Variants in FXR2 observed in about 807,000 individuals in gnomAD.
FXR2 encodes the protein RNA-binding protein FXR2.
In FXR2, 9 loss-of-function variants were observed where a neutral mutation model predicts 87.3. The observed-to-expected ratio is 0.10, with a 90% CI of 0.06 to 0.18. The LOEUF is 0.18. FXR2 is among the 10% of genes least tolerant of loss of function. The probability of loss-of-function intolerance (pLI) is 1.00; values close to 1 mark genes in which losing one functional copy is unlikely to be tolerated. For synonymous variants in FXR2, 331 were observed against 328.3 expected, an observed-to-expected ratio of 1.01 and a Z score of -0.09; for missense variants, 661 against 893.6, an observed-to-expected ratio of 0.74 and a Z score of 3.32.
At chr17:7,614,158 A>C in intron 1 of FXR2, 3 of 620,250 alleles carry the variant, frequency 4.8e-6, no homozygotes, top group Middle Eastern at 4.2e-4. Flanking sequence ...GAAGCTGGGT[A>C]AAGGGGTCTC....
In FXR2 at chr17:7,595,637, T is replaced by G. The variant is rs1253070096; in HGVS notation, c.831+187A>C. Among the ~76,000 whole-genome samples, 1 of 151,992 alleles carries G rather than the reference T, an allele frequency of 6.6e-6. No homozygotes were observed. Among genetic ancestry groups the G allele is most frequent in the Admixed American group, 6.6e-5 (1 of 15,246 alleles). On this transcript the variant is annotated intron_variant, in intron 8 of 16. Coordinates refer to ENST00000250113, the MANE Select transcript of FXR2 (RefSeq NM_004860.4). The surrounding 1 kb of genome is among the most constrained non-coding windows in gnomAD (Gnocchi z 4.7). The stretch of plus-strand genomic sequence containing the variant: ...CTAATTTTTAAATTTTTGTAGAGAT[T>G]GGGTCTCACTATGTTGCACAGGCTG...
intron 7 of FXR2, among the ~76,000 whole-genome samples, chr17:7,601,015 CTAA>C (rs2071751024): frequency 6.6e-6 from 1 of 151,722 alleles, no homozygotes; most frequent in Non-Finnish European, 1.5e-5. Context: ...CCCCATCTTA[CTAA>C]TAATACAAAA....
chr17:7,601,754 C>T (rs2071758168), intron 6 of FXR2, among the ~76,000 whole-genome samples: 2 of 151,996 alleles, frequency 1.3e-5, no homozygotes, highest in Admixed American at 1.3e-4. Context: ...TGGTGAAACC[C>T]TGTCTTTACT....
intron 1 of FXR2, among the ~76,000 whole-genome samples, chr17:7,609,116 A>G (rs2071828368): frequency 6.6e-6 from 1 of 152,240 alleles, no homozygotes; most frequent in South Asian, 2.1e-4. Flanking sequence ...GACTCAAAAA[A>G]CAAAATAAAT....
intron 7 of FXR2, among the ~76,000 whole-genome samples, chr17:7,598,505 T>C (rs941982342): frequency 1.3e-5 from 2 of 151,990 alleles, no homozygotes; most frequent in African/African-American, 4.8e-5. Flanking sequence ...CACTGTTAAC[T>C]CAATGGCTTC....
At chr17:7,613,974 G>C (rs1282881434) in intron 1 of FXR2, 1 of 451,478 alleles carries the variant, frequency 2.2e-6, no homozygotes, top group Non-Finnish European at 4.4e-6. Context: ...GAGTGTTCCA[G>C]AGCCAGTAGG....
At chr17:7,603,379 T>C (rs1382435375) in intron 5 of FXR2, among the ~76,000 whole-genome samples, 1 of 150,518 alleles carries the variant, frequency 6.6e-6, no homozygotes, top group East Asian at 2.0e-4. Context: ...AATACAAAAT[T>C]AGCCGGGTGT....
At chr17:7,609,904 ATATATATG>A (rs1428171795) in intron 1 of FXR2, among the ~76,000 whole-genome samples, 5 of 139,210 alleles carry the variant, frequency 3.6e-5, no homozygotes, top group African/African-American at 5.5e-5. Flanking sequence ...ATACACATAC[ATATATATG>A]TATATATACA....
At chr17:7,599,123 G>A (rs1478532779) in intron 7 of FXR2, among the ~76,000 whole-genome samples, 1 of 143,274 alleles carries the variant, frequency 7.0e-6, no homozygotes, top group African/African-American at 2.6e-5. Context: ...GGTGACAGAG[G>A]GAAACTGTCT....
chr17:7,609,944 G>GTATACA, intron 1 of FXR2, among the ~76,000 whole-genome samples: 1 of 60,828 alleles, frequency 1.6e-5, no homozygotes, highest in African/African-American at 8.2e-5. Context: ...ATATATACAT[G>GTATACA]TATATGTATA....
intron 1 of FXR2, chr17:7,614,001 G>C: frequency 2.2e-6 from 1 of 456,210 alleles, no homozygotes. Context: ...CCTCTCTGAG[G>C]AAGATGAAAG....
At chr17:7,607,224 AAG>A (rs2071810061) in intron 1 of FXR2, among the ~76,000 whole-genome samples, 1 of 151,826 alleles carries the variant, frequency 6.6e-6, no homozygotes, top group East Asian at 1.9e-4. Context: ...AGGCTGAGGA[AAG>A]AGAATCACTT....
At chr17:7,602,455 C>T (rs2071765753) in intron 6 of FXR2, among the ~76,000 whole-genome samples, 1 of 152,122 alleles carries the variant, frequency 6.6e-6, no homozygotes, top group Non-Finnish European at 1.5e-5. Context: ...GTAATCCCAG[C>T]TACTCGGGAG....
chr17:7,595,197 A>G lies in FXR2; in HGVS notation c.832-440T>C, dbSNP rs2071697949. On this transcript the variant is annotated intron_variant, in intron 8 of 16. Transcript: ENST00000250113. The surrounding 1 kb of genome is among the most constrained non-coding windows in gnomAD (Gnocchi z 4.7). ...CCAGGCACAGCGGCTCACACCCATAATCTCAACAGTTTCGGAGGCTAAGAA... is the reference window on the plus strand; with the variant it reads ...CCAGGCACAGCGGCTCACACCCATAGTCTCAACAGTTTCGGAGGCTAAGAA... Among the ~76,000 whole-genome samples, 1 of 152,022 alleles carries G rather than the reference A, an allele frequency of 6.6e-6. No individual in the cohort carries two copies. Among genetic ancestry groups the G allele is most frequent in the African/African-American group, 2.4e-5 (1 of 41,396 alleles).
Position 7,595,477 on chromosome 17 carries a change from T to C in FXR2, c.831+347A>G, listed in dbSNP as rs1019440226. 1.3e-5 allele frequency among the ~76,000 whole-genome samples: 2 copies of C among 148,592 alleles called. No individual in the cohort carries two copies. Among genetic ancestry groups the C allele is most frequent in the South Asian group, 2.1e-4 (1 of 4,682 alleles). ...AACGTTTTTTGGTTTTTGGTTTTTT[T>C]GGGGGGTAAAGACAGGGTCTCTCTA... is the stretch of plus-strand genomic sequence containing the variant. On this transcript the variant is annotated intron_variant, in intron 8 of 16. Transcript: ENST00000250113. This position sits in a 1 kb window ranked among gnomAD's most constrained non-coding sequence, Gnocchi z 4.7.
intron 1 of FXR2, among the ~76,000 whole-genome samples, chr17:7,607,378 TTC>T (rs1373721989): frequency 2.0e-5 from 3 of 152,054 alleles, no homozygotes; most frequent in Non-Finnish European, 1.5e-5. Context: ...CACAAAGGTT[TTC>T]TCTTATGTCT....
chr17:7,609,054 A>G (rs2071827917), intron 1 of FXR2, among the ~76,000 whole-genome samples: 1 of 152,202 alleles, frequency 6.6e-6, no homozygotes, highest in Non-Finnish European at 1.5e-5. Context: ...GGCTGTGATG[A>G]GCTGTGATTG....
At position 7,592,578 on chromosome 17, in the gene FXR2, C is replaced by T; in HGVS notation, c.1751G>A (p.Arg584His). The stretch of plus-strand genomic sequence containing the variant: ...ACGGCGGCGGCGGCTGCGATTACGA[C>T]GTTGAGGTCTTGATTCATCTTCTGT... ...NGLEDESRPQ[R>H]RNRSRRRRNR... is the part of the protein sequence containing the mutation. Residue 584 changes from arginine (R) to histidine (H), a missense_variant, in exon 15 of 17, where the codon CGT (arginine) becomes CAT (histidine). Transcript: ENST00000250113. This position sits in a 1 kb window ranked among gnomAD's most constrained non-coding sequence, Gnocchi z 4.8. The T allele has an allele frequency of 1.2e-6, 2 of 1,613,702 alleles. No homozygotes were observed. The highest frequency in any genetic ancestry group is 1.7e-6 in the Non-Finnish European group (2 of 1,179,814).
At chr17:7,600,450 G>C (rs1315061248) in intron 7 of FXR2, among the ~76,000 whole-genome samples, 1 of 150,596 alleles carries the variant, frequency 6.6e-6, no homozygotes, top group Non-Finnish European at 1.5e-5. Context: ...CTCCCAAAGT[G>C]CTAAAGTGCT....
Sources: gnomAD v4.1 joint callset for allele counts (sites outside exome capture counted in the v4.1 genomes callset) on GRCh38, gnomAD v4.1.1 for gene constraint, Gnocchi (gnomAD v3.1) non-coding constraint, MANE v1.5 for transcripts, NCBI Gene and HGNC (gene_info 2026-07-23, HGNC 2026-07-21) for gene names.